IL1RAPL1: variants seen among roughly 807,000 people sequenced by gnomAD.
IL1RAPL1 encodes the protein interleukin 1 receptor accessory protein like 1.
A neutral mutation model predicts 48.4 loss-of-function variants in IL1RAPL1; 3 were observed. The observed-to-expected ratio is 0.06, with a 90% CI of 0.03 to 0.16. IL1RAPL1 has a LOEUF of 0.16. Ranked by LOEUF, IL1RAPL1 falls within the 10% of genes least tolerant of loss-of-function variation. The pLI is 1.00. For synonymous variants in IL1RAPL1, 185 were observed against 187.7 expected (o/e 0.99, Z 0.12); for missense variants, 349 against 530.6 (o/e 0.66, Z 3.36).
At chrX:28,957,578 T>C (rs1924648423) in intron 2 of IL1RAPL1, among the ~76,000 whole-genome samples, 1 of 111,538 alleles carries the variant, frequency 9.0e-6, no homozygotes, top group African/African-American at 3.3e-5. Context: ...AACACCAGCC[T>C]CAATTTGTTA....
At chrX:28,946,813 A>G (rs1337356103) in intron 2 of IL1RAPL1, among the ~76,000 whole-genome samples, 2 of 111,849 alleles carry the variant, frequency 1.8e-5, no homozygotes, top group Non-Finnish European at 3.8e-5. Flanking sequence ...AGTAAAGCGT[A>G]TAGCCATGAC....
chrX:28,753,975 G>A (rs1334514680), intron 1 of IL1RAPL1, among the ~76,000 whole-genome samples: 1 of 110,290 alleles, frequency 9.1e-6, no homozygotes, highest in Non-Finnish European at 1.9e-5. Flanking sequence ...CACCCTAAAA[G>A]GTTTTCTTAT....
chrX:29,237,617 G>A (rs1217785124), intron 2 of IL1RAPL1, among the ~76,000 whole-genome samples: 1 of 112,546 alleles, frequency 8.9e-6, no homozygotes, highest in African/African-American at 3.2e-5. Context: ...GCATATTAAG[G>A]GCCCTGAATA....
intron 6 of IL1RAPL1, among the ~76,000 whole-genome samples, chrX:29,695,813 C>A (rs1008197492): frequency 7.2e-5 from 8 of 110,767 alleles, no homozygotes; most frequent in African/African-American, 2.6e-4. Context: ...AATGGGGTAC[C>A]GAGAGCAGCA....
intron 2 of IL1RAPL1, among the ~76,000 whole-genome samples, chrX:29,201,288 T>C (rs1423021838): frequency 8.9e-6 from 1 of 112,026 alleles, no homozygotes; most frequent in Admixed American, 9.5e-5. Flanking sequence ...ATATTTATTA[T>C]TTTATATTTT....
intron 6 of IL1RAPL1, among the ~76,000 whole-genome samples, chrX:29,716,946 T>A (rs1187299601): frequency 3.6e-5 from 4 of 111,359 alleles, no homozygotes; most frequent in African/African-American, 1.3e-4. Context: ...CTATTGATAT[T>A]GAATATCTAT....
chrX:28,819,021 A>G (rs1422834345), intron 2 of IL1RAPL1, among the ~76,000 whole-genome samples: 4 of 110,741 alleles, frequency 3.6e-5, no homozygotes, highest in Non-Finnish European at 7.6e-5. Flanking sequence ...TTACTCCAAA[A>G]ATGCAGGAAC....
intron 5 of IL1RAPL1, among the ~76,000 whole-genome samples, chrX:29,451,630 A>G (rs999765834): frequency 8.9e-6 from 1 of 111,831 alleles, no homozygotes; most frequent in African/African-American, 3.3e-5. Flanking sequence ...CTCTGTGTGT[A>G]TATATGTACA....
chrX:29,915,714 CTTTT>C (rs201364121), intron 6 of IL1RAPL1, among the ~76,000 whole-genome samples: 87 of 54,300 alleles, frequency 1.6e-3, no homozygotes, highest in Admixed American at 5.7e-3. Flanking sequence ...TGGTAATATT[CTTTT>C]TTTTTTTTTT....
chrX:28,727,930 G>A (rs1935700501), intron 1 of IL1RAPL1, among the ~76,000 whole-genome samples: 1 of 107,226 alleles, frequency 9.3e-6, no homozygotes, highest in African/African-American at 3.4e-5. Flanking sequence ...TGGGGTGGGG[G>A]AAGGGGGGAG....
At chrX:28,914,133 G>A (rs1239047095) in intron 2 of IL1RAPL1, among the ~76,000 whole-genome samples, 1 of 110,928 alleles carries the variant, frequency 9.0e-6, no homozygotes, top group African/African-American at 3.3e-5. Flanking sequence ...TATGTGCTAA[G>A]TGAAGACCTA....
intron 2 of IL1RAPL1, among the ~76,000 whole-genome samples, chrX:29,253,687 G>A (rs1204063789): frequency 9.0e-6 from 1 of 111,128 alleles, no homozygotes; most frequent in Non-Finnish European, 1.9e-5. Flanking sequence ...AGTGTTCAGT[G>A]ATTAATGTGT....
intron 2 of IL1RAPL1, among the ~76,000 whole-genome samples, chrX:29,122,409 T>TCTCACACACACACACACA (rs60632925): frequency 3.1e-5 from 2 of 64,569 alleles, no homozygotes; most frequent in African/African-American, 1.6e-4. Flanking sequence ...TCTCTCTCTC[T>TCTCACACACACACACACA]CACACACACA....
intron 2 of IL1RAPL1, among the ~76,000 whole-genome samples, chrX:29,182,093 C>A (rs1204819511): frequency 1.1e-5 from 1 of 92,233 alleles, no homozygotes; most frequent in African/African-American, 3.9e-5. Flanking sequence ...AGAGTTGGAA[C>A]TTTTAGCCTT....
At chrX:29,019,695 A>T (rs1602014520) in intron 2 of IL1RAPL1, among the ~76,000 whole-genome samples, 1 of 112,258 alleles carries the variant, frequency 8.9e-6, no homozygotes, top group African/African-American at 3.2e-5. Context: ...TACGCCATAG[A>T]TACAAATCTG....
chrX:28,896,903 A>G (rs1477563217), intron 2 of IL1RAPL1, among the ~76,000 whole-genome samples: 2 of 111,238 alleles, frequency 1.8e-5, no homozygotes, highest in Non-Finnish European at 3.8e-5. Flanking sequence ...AGAATTATCT[A>G]GATCTTGTAG....
intron 2 of IL1RAPL1, among the ~76,000 whole-genome samples, chrX:29,168,781 A>G (rs35709675): frequency 7.4e-5 from 6 of 81,362 alleles, no homozygotes; most frequent in Middle Eastern, 9.1e-3. Flanking sequence ...AATTGTATAT[A>G]TATATTCATA....
At chrX:29,833,350 T>G (rs1196696020) in intron 6 of IL1RAPL1, among the ~76,000 whole-genome samples, 1 of 106,529 alleles carries the variant, frequency 9.4e-6, no homozygotes, top group East Asian at 2.8e-4. Context: ...TTAGTATGTA[T>G]TTTTTTTTAA....
chrX:28,837,762 G>T (rs1426660471), intron 2 of IL1RAPL1, among the ~76,000 whole-genome samples: 2 of 92,878 alleles, frequency 2.2e-5, no homozygotes. Flanking sequence ...AGCCCACCAC[G>T]GTCCCATCTT....
Sources: gnomAD v4.1 joint callset for allele counts (sites outside exome capture counted in the v4.1 genomes callset) on GRCh38, gnomAD v4.1.1 for gene constraint, MANE v1.5 for transcripts, NCBI Gene and HGNC (gene_info 2026-07-23, HGNC 2026-07-21) for gene names.